SHPRH: variants seen among roughly 807,000 people sequenced by gnomAD.
SHPRH encodes the protein SNF2 histone linker PHD RING helicase.
Under a neutral mutation model 202.5 loss-of-function variants are expected in SHPRH, and 106 were observed. That is an observed-to-expected ratio of 0.52 (90% CI 0.45 to 0.62). The LOEUF (loss-of-function observed/expected upper bound fraction) is 0.62, where lower values mean the gene tolerates loss of function less well. Among genes scored for constraint, SHPRH ranks in the 20% least tolerant of loss-of-function variants. SHPRH has a pLI of 0.00. For missense variants in SHPRH, 1,710 were observed against 2,020.0 expected, an observed-to-expected ratio of 0.85 and a Z score of 2.94; for synonymous variants, 729 against 686.0, an observed-to-expected ratio of 1.06 and a Z score of -0.98.
chr6:145,931,615 C>T (rs1785453722), intron 14 of SHPRH, among the ~76,000 whole-genome samples: 1 of 152,140 alleles, frequency 6.6e-6, no homozygotes, highest in Non-Finnish European at 1.5e-5. Flanking sequence ...GGATTACAGG[C>T]ACAAGCCACC....
At chr6:145,901,420 T>G (rs953244690) in intron 25 of SHPRH, among the ~76,000 whole-genome samples, 1 of 152,072 alleles carries the variant, frequency 6.6e-6, no homozygotes, top group African/African-American at 2.4e-5. Flanking sequence ...AATATTCACA[T>G]TGTTAAAAAA....
chr6:145,910,374 C>G (rs1394490035), intron 25 of SHPRH, 74 bp downstream of exon 25: 2 of 1,511,882 alleles, frequency 1.3e-6, no homozygotes, highest in Non-Finnish European at 1.8e-6. Flanking sequence ...GATGTTCATG[C>G]TTTCTTAATC....
intron 25 of SHPRH, among the ~76,000 whole-genome samples, chr6:145,898,936 C>T (rs745807971): frequency 1.3e-5 from 2 of 152,056 alleles, no homozygotes; most frequent in East Asian, 1.9e-4. Context: ...CTCAGTCTCC[C>T]GAGTAGCTGG....
intron 13 of SHPRH, among the ~76,000 whole-genome samples, chr6:145,934,102 G>A (rs1173166223): frequency 6.6e-6 from 1 of 152,112 alleles, no homozygotes; most frequent in East Asian, 1.9e-4. Flanking sequence ...AGTTTGAGAG[G>A]GTGAGACAGG....
At chr6:145,938,401 T>A (rs937417557) in intron 11 of SHPRH, among the ~76,000 whole-genome samples, 2 of 152,178 alleles carry the variant, frequency 1.3e-5, no homozygotes, top group Non-Finnish European at 2.9e-5. Flanking sequence ...TTTGTAGTTA[T>A]CCAGTCTGTG....
At chr6:145,927,425 T>C in intron 14 of SHPRH, 148 bp from the exon 15 acceptor site, 1 of 634,622 alleles carries the variant, frequency 1.6e-6, no homozygotes, top group South Asian at 2.6e-5. Context: ...TTGGTATTAA[T>C]ATGATTGCCC....
intron 11 of SHPRH, 102 bp from the exon 12 acceptor site, chr6:145,935,543 T>C (rs1240380506): frequency 3.6e-6 from 4 of 1,101,442 alleles, no homozygotes; most frequent in Non-Finnish European, 3.8e-6. Context: ...GAACTTTCCA[T>C]GAATTAAAAT....
intron 25 of SHPRH, chr6:145,909,672 C>G (rs550930562): frequency 6.6e-6 from 1 of 152,198 alleles, no homozygotes; most frequent in Non-Finnish European, 1.5e-5. Flanking sequence ...GCTTAAGAGT[C>G]AACCCCATCA....
intron 1 of SHPRH, among the ~76,000 whole-genome samples, chr6:145,955,695 G>A (rs1359425952): frequency 6.6e-6 from 1 of 151,806 alleles, no homozygotes; most frequent in African/African-American, 2.4e-5. Flanking sequence ...CTGCCCCTCA[G>A]AACAAAGCCC....
intron 21 of SHPRH, among the ~76,000 whole-genome samples, chr6:145,920,371 G>A (rs534007905): frequency 6.6e-6 from 1 of 152,150 alleles, no homozygotes; most frequent in African/African-American, 2.4e-5. Context: ...GTAATTAACT[G>A]TGTTAACGTG....
chr6:145,890,845 A>G (rs1282825030), intron 28 of SHPRH, among the ~76,000 whole-genome samples: 1 of 152,028 alleles, frequency 6.6e-6, no homozygotes, highest in Non-Finnish European at 1.5e-5. Flanking sequence ...GTTATCCTTG[A>G]CCCTCTCATA....
chr6:145,923,624 T>A lies in SHPRH; in HGVS notation c.3545+19A>T. 6.2e-7 allele frequency: 1 copy of A among 1,609,000 alleles called. No homozygotes were observed. Among genetic ancestry groups the A allele is most frequent in the Middle Eastern group, 1.7e-4 (1 of 6,016 alleles). On this transcript the variant is annotated intron_variant, in intron 18 of 29. Coordinates refer to ENST00000275233, the MANE Select transcript of SHPRH (RefSeq NM_001042683.3). ...CTTTTAAAATTATGAGTAGATACTTTTTCTTCCTGTTTTCTTACTTCTCTG... is the reference window on the plus strand; with the variant it reads ...CTTTTAAAATTATGAGTAGATACTTATTCTTCCTGTTTTCTTACTTCTCTG...
At chr6:145,887,486 T>C (rs1348107416) in intron 29 of SHPRH, among the ~76,000 whole-genome samples, 1 of 152,078 alleles carries the variant, frequency 6.6e-6, no homozygotes, top group East Asian at 1.9e-4. Context: ...GTCTCTCTGC[T>C]TTTGTTTTGT....
At position 145,886,478 on chromosome 6, in the gene SHPRH, T is replaced by C. The variant is rs1562282157; in HGVS notation, c.*213A>G. The C allele has an allele frequency of 1.1e-6, 1 of 942,388 alleles. No homozygotes were observed. The highest frequency in any genetic ancestry group is 1.7e-6 in the Non-Finnish European group (1 of 588,776). 58.4% of individuals were successfully genotyped at this position (942,388 alleles called of 1,614,324 possible). ...AAAAATAAATGTTTTATTAGGAGTG[T>C]AAAATTAAGAATCTTTATAGATCTT... On this transcript the variant is annotated 3_prime_UTR_variant, in exon 30 of 30. Coordinates refer to ENST00000275233, the MANE Select transcript of SHPRH (RefSeq NM_001042683.3).
intron 3 of SHPRH, among the ~76,000 whole-genome samples, chr6:145,951,029 C>A (rs1016170690): frequency 6.6e-5 from 10 of 152,046 alleles, no homozygotes; most frequent in African/African-American, 2.2e-4. Flanking sequence ...AATGGGTTCT[C>A]ATTTTATTTC....
intron 14 of SHPRH, among the ~76,000 whole-genome samples, chr6:145,929,754 G>C (rs1207712894): frequency 1.3e-5 from 2 of 151,940 alleles, no homozygotes; most frequent in Admixed American, 6.6e-5. Flanking sequence ...TGCACACAAA[G>C]TTACGTGTAC....
intron 21 of SHPRH, among the ~76,000 whole-genome samples, chr6:145,920,351 A>G (rs1348280526): frequency 6.6e-6 from 1 of 152,130 alleles, no homozygotes; most frequent in Non-Finnish European, 1.5e-5. Flanking sequence ...CACTTCTTCC[A>G]AGGCTTACTG....
At chr6:145,919,854 T>C (rs1486668916) in intron 21 of SHPRH, among the ~76,000 whole-genome samples, 2 of 152,134 alleles carry the variant, frequency 1.3e-5, no homozygotes. Context: ...AATACTAAAA[T>C]ATACAATCAA....
intron 11 of SHPRH, among the ~76,000 whole-genome samples, chr6:145,940,134 A>G (rs1215366692): frequency 2.0e-5 from 3 of 152,176 alleles, no homozygotes; most frequent in African/African-American, 7.2e-5. Flanking sequence ...ATTTCAATGC[A>G]CGTGTGGAGA....
Sources: gnomAD v4.1 joint callset for allele counts (sites outside exome capture counted in the v4.1 genomes callset) on GRCh38, gnomAD v4.1.1 for gene constraint, MANE v1.5 for transcripts, NCBI Gene and HGNC (gene_info 2026-07-23, HGNC 2026-07-21) for gene names.